Variants in TNPO2 observed in about 807,000 individuals in gnomAD.
The protein encoded by TNPO2 is transportin-2.
Under a neutral mutation model 111.1 loss-of-function variants are expected in TNPO2, and 16 were observed. The ratio of observed to expected loss-of-function variants is 0.14; its 90% confidence interval spans 0.10 to 0.22. The LOEUF is 0.22. Ranked by LOEUF, TNPO2 falls within the 10% of genes least tolerant of loss-of-function variation. The pLI, the probability that TNPO2 is intolerant of heterozygous loss-of-function variation, is 1.00. For missense variants in TNPO2, 530 were observed against 1,173.7 expected (o/e 0.45, Z 8.01); for synonymous variants, 481 against 475.8 (o/e 1.01, Z -0.14).
rs756958656 is a variant in TNPO2, at chr19:12,701,312, T to G, written c.*20+14A>C. On this transcript the variant is annotated intron_variant, in intron 25 of 25. Transcript: ENST00000425528. The surrounding 1 kb of genome is among the most constrained non-coding windows in gnomAD (Gnocchi z 5.0). ...CCCAAGACAGTGCTGACTTGCCAGC[T>G]GCAGTCTCCTTACCTGGCAGTCTCC... 1 of 1,561,504 alleles carries G rather than the reference T, an allele frequency of 6.4e-7. No individual in the cohort carries two copies. The highest frequency in any genetic ancestry group is 1.4e-5 in the African/African-American group (1 of 73,486).
rs780552125 is a variant in TNPO2, at chr19:12,706,314, C to A, written c.1550G>T (p.Ser517Ile). ...EACTELVPYL[S>I]YILDTLVFAF... ...AAAGACAAGGGTGTCCAGGATGTAG[C>A]TGAGGTAGGGCACCAGCTCCGTGCA... The change falls in exon 15 of 26, where the codon AGC (serine) becomes ATC (isoleucine). Residue 517 changes from serine (S) to isoleucine (I), a missense_variant. By Grantham distance (142) the Ser-to-Ile change is moderately radical. This residue lies in a region of TNPO2 where 183 missense variants were observed against 481.0 expected (regional missense o/e 0.38). Coordinates refer to ENST00000425528, the MANE Select transcript of TNPO2 (RefSeq NM_001382241.1). This position sits in a 1 kb window ranked among gnomAD's most constrained non-coding sequence, Gnocchi z 7.0. The A allele has an allele frequency of 6.2e-7, 1 of 1,613,966 alleles. No individual in the cohort carries two copies. Among genetic ancestry groups the A allele is most frequent in the Admixed American group, 1.7e-5 (1 of 60,010 alleles).
At position 12,715,003 on chromosome 19, in the gene TNPO2, C is replaced by T. The variant is rs1013841463; in HGVS notation, c.771+44G>A. Reference sequence around the variant, plus strand: ...GGGGTGGCTCCCTGACCCCTGCCACCGGCCCCCTGCCTGCCCGCCTGGGCT... The same window carrying T: ...GGGGTGGCTCCCTGACCCCTGCCACTGGCCCCCTGCCTGCCCGCCTGGGCT... On this transcript the variant is annotated intron_variant, in intron 9 of 25. Coordinates refer to ENST00000425528, the MANE Select transcript of TNPO2 (RefSeq NM_001382241.1). The surrounding 1 kb of genome is among the most constrained non-coding windows in gnomAD (Gnocchi z 7.1). The T allele has an allele frequency of 2.1e-5, 33 of 1,581,580 alleles. No homozygotes were observed. Among genetic ancestry groups the T allele is most frequent in the Non-Finnish European group, 2.5e-5 (29 of 1,164,994 alleles).
chr19:12,711,715 A>G, intron 10 of TNPO2, 102 bp from the exon 11 acceptor site: 4 of 968,856 alleles, frequency 4.1e-6, no homozygotes, highest in Non-Finnish European at 6.4e-6. Flanking sequence ...CAGAGTGACC[A>G]GCCCCCCAAT....
intron 3 of TNPO2, 49 bp downstream of exon 3, chr19:12,720,830 C>A: frequency 6.5e-7 from 1 of 1,540,240 alleles, no homozygotes; most frequent in Non-Finnish European, 8.7e-7. Context: ...CCTTTGGAAA[C>A]TGCACGCATC....
chr19:12,713,243 C>G (rs1009090707), intron 10 of TNPO2, among the ~76,000 whole-genome samples: 4 of 152,136 alleles, frequency 2.6e-5, no homozygotes, highest in Non-Finnish European at 5.9e-5. Flanking sequence ...AGGCAGCCAG[C>G]CCCTCAGCTG....
At position 12,706,701 on chromosome 19, in the gene TNPO2, G is replaced by C. The variant is rs892819098; in HGVS notation, c.1365C>G (p.Ala455=). Residue 455 remains alanine, a synonymous_variant, in exon 14 of 26, where the codon GCC becomes GCG. Coordinates refer to ENST00000425528, the MANE Select transcript of TNPO2 (RefSeq NM_001382241.1). This position sits in a 1 kb window ranked among gnomAD's most constrained non-coding sequence, Gnocchi z 7.0. ...SDKKALVRSI[A]CWTLSRYAHW... ...GGGCATAGCGGCTCAGCGTCCAGCA[G>C]GCGATGGAGCGGACCAAGGCCTTCT... is the stretch of plus-strand genomic sequence containing the variant. The C allele has an allele frequency of 3.7e-6, 6 of 1,613,792 alleles. No individual in the cohort carries two copies. The African/African-American group carries it at 5.3e-5, about 14-fold the overall frequency.
intron 5 of TNPO2, 116 bp downstream of exon 5, chr19:12,718,913 T>G: frequency 7.5e-7 from 1 of 1,338,666 alleles, no homozygotes; most frequent in Non-Finnish European, 1.0e-6. Context: ...CAAATGGCAA[T>G]AGTAATAGTA....
At position 12,699,368 on chromosome 19, in the gene TNPO2, G is replaced by T. The variant is rs547866367; in HGVS notation, c.*1896C>A. ...GGACTGTGGCTCAAGGCCAGTCTGGGTCCACAGCCCTGGGTAGGGGAGAAG... is the reference window on the plus strand; with the variant it reads ...GGACTGTGGCTCAAGGCCAGTCTGGTTCCACAGCCCTGGGTAGGGGAGAAG... On this transcript the variant is annotated 3_prime_UTR_variant, in exon 26 of 26. Transcript: ENST00000425528. 6.2e-6 allele frequency: 2 copies of T among 323,420 alleles called. No individual in the cohort carries two copies. Among genetic ancestry groups the T allele is most frequent in the South Asian group, 2.3e-5 (1 of 43,024 alleles). 20.0% of individuals were successfully genotyped at this position (323,420 alleles called of 1,614,324 possible).
At position 12,721,889 on chromosome 19, in the gene TNPO2, C is replaced by T. The variant is rs1273890013; in HGVS notation, c.-13-899G>A. On this transcript the variant is annotated intron_variant, in intron 2 of 25. Coordinates refer to ENST00000425528, the MANE Select transcript of TNPO2 (RefSeq NM_001382241.1). This position sits in a 1 kb window ranked among gnomAD's most constrained non-coding sequence, Gnocchi z 4.9. ...CCCCCCACCACCTCGTGTCAGTAACCCCCTGGTCCGATCCTTGCAGCCTCC... is the reference window on the plus strand; with the variant it reads ...CCCCCCACCACCTCGTGTCAGTAACTCCCTGGTCCGATCCTTGCAGCCTCC... Among the ~76,000 whole-genome samples the T allele has an allele frequency of 1.3e-5, 2 of 151,184 alleles. No homozygotes were observed. The highest frequency in any genetic ancestry group is 4.9e-5 in the African/African-American group (2 of 41,004).
At position 12,719,256 on chromosome 19, in the gene TNPO2, C is replaced by T. The variant is rs766129993; in HGVS notation, c.175+5G>A. The T allele has an allele frequency of 2.2e-5, 35 of 1,613,774 alleles. No homozygotes were observed. The South Asian group carries it at 2.4e-4, about 11-fold the overall frequency. ...CGATCGCATGGAAGGGAGCAGAGGGCGTACCTTCTGACTTGAGTCTGGTCA... is the reference window on the plus strand; with the variant it reads ...CGATCGCATGGAAGGGAGCAGAGGGTGTACCTTCTGACTTGAGTCTGGTCA... On this transcript the variant is annotated splice_donor_5th_base_variant and intron_variant, in intron 4 of 25. Transcript: ENST00000425528. The surrounding 1 kb of genome is among the most constrained non-coding windows in gnomAD (Gnocchi z 5.0).
intron 13 of TNPO2, among the ~76,000 whole-genome samples, chr19:12,707,540 A>T (rs1163118377): frequency 2.5e-5 from 3 of 120,522 alleles, no homozygotes; most frequent in African/African-American, 6.5e-5. Flanking sequence ...CCCAGGCTAG[A>T]GTGCAGTGGT....
intron 12 of TNPO2, 60 bp from the exon 13 acceptor site, chr19:12,710,833 T>G: frequency 6.9e-7 from 1 of 1,452,880 alleles, no homozygotes; most frequent in South Asian, 1.3e-5. Flanking sequence ...TGGCCGACCC[T>G]CCTTGACTGC....
Position 12,705,914 on chromosome 19 carries a change from C to G in TNPO2, c.1669-146G>C, listed in dbSNP as rs1435259568. ...CCTGCCATCTGGCCAGACCTCGAGG[C>G]CTTCATTCTTCTCACCTGTCCAAGC... On this transcript the variant is annotated intron_variant, in intron 15 of 25. Transcript: ENST00000425528. The surrounding 1 kb of genome is among the most constrained non-coding windows in gnomAD (Gnocchi z 7.2). The G allele has an allele frequency of 1.1e-5, 8 of 708,106 alleles. No individual in the cohort carries two copies. The Admixed American group carries it at 2.4e-4, about 21-fold the overall frequency. The allele number at this position is 708,106 out of a possible 1,614,324, so 43.9% of individuals were successfully genotyped here.
At chr19:12,712,085 C>T (rs1017379959) in intron 10 of TNPO2, among the ~76,000 whole-genome samples, 3 of 152,100 alleles carry the variant, frequency 2.0e-5, no homozygotes, top group Non-Finnish European at 4.4e-5. Flanking sequence ...TGATAATCCT[C>T]GCTCTATAAT....
Position 12,715,570 on chromosome 19 carries a change from G to A in TNPO2, c.433-32C>T, listed in dbSNP as rs2026315803. On this transcript the variant is annotated intron_variant, in intron 6 of 25. Coordinates refer to ENST00000425528, the MANE Select transcript of TNPO2 (RefSeq NM_001382241.1). This position sits in a 1 kb window ranked among gnomAD's most constrained non-coding sequence, Gnocchi z 7.1. ...GCAGAGGGGCAGAGAGACAAACGTG[G>A]GTGGTGGGTGGTGGTCCCAGCCCCC... The A allele has an allele frequency of 6.2e-7, 1 of 1,613,478 alleles. No individual in the cohort carries two copies. Among genetic ancestry groups the A allele is most frequent in the African/African-American group, 1.3e-5 (1 of 74,918 alleles).
rs2025261925 is a variant in TNPO2, at chr19:12,701,034, C to G, written c.*230G>C. ...GGGCCCTTGCCCACCAGAAGTCCCC[C>G]CCACCTCCCCGTTTGTAGGATGAGC... On this transcript the variant is annotated 3_prime_UTR_variant, in exon 26 of 26. Transcript: ENST00000425528. The surrounding 1 kb of genome is among the most constrained non-coding windows in gnomAD (Gnocchi z 5.0). The G allele has an allele frequency of 3.1e-6, 1 of 318,630 alleles. No homozygotes were observed. The highest frequency in any genetic ancestry group is 4.5e-5 in the Admixed American group (1 of 21,992). The allele number at this position is 318,630 out of a possible 1,614,324, so 19.7% of individuals were successfully genotyped here. A position where few individuals can be genotyped will look rare whatever the true frequency, so the allele number is the denominator to read the frequency against.
intron 13 of TNPO2, among the ~76,000 whole-genome samples, chr19:12,709,185 C>A (rs962048267): frequency 1.3e-5 from 2 of 151,932 alleles, no homozygotes; most frequent in African/African-American, 4.8e-5. Flanking sequence ...CGTGGTGAAA[C>A]CCTGTCTCTA....
chr19:12,715,392 G>T lies in TNPO2; in HGVS notation c.566+13C>A. ...TCCAGGCTCCCTGGAAGCCCCCAGG[G>T]AGCTGCACCCACCGGATCTTGGGAC... On this transcript the variant is annotated intron_variant, in intron 7 of 25. Coordinates refer to ENST00000425528, the MANE Select transcript of TNPO2 (RefSeq NM_001382241.1). This position sits in a 1 kb window ranked among gnomAD's most constrained non-coding sequence, Gnocchi z 7.1. The T allele has an allele frequency of 2.5e-6, 4 of 1,613,916 alleles. No homozygotes were observed. The highest frequency in any genetic ancestry group is 3.4e-6 in the Non-Finnish European group (4 of 1,179,850).
chr19:12,718,939 C>T (rs1379204372), intron 5 of TNPO2, 90 bp downstream of exon 5: 6 of 1,520,132 alleles, frequency 3.9e-6, no homozygotes, highest in Non-Finnish European at 4.5e-6. Context: ...ATAGAGGGTG[C>T]CAGAGCATTC....
Sources: allele counts gnomAD v4.1 joint callset (sites outside exome capture counted in the v4.1 genomes callset), GRCh38; gene constraint gnomAD v4.1.1; regional missense constraint gnomAD v4.1.1; non-coding constraint Gnocchi (gnomAD v3.1); transcripts MANE v1.5; gene names NCBI Gene and HGNC (gene_info 2026-07-23, HGNC 2026-07-21).